Variants in ZMIZ1 observed in about 807,000 individuals in gnomAD.
ZMIZ1 encodes the protein zinc finger MIZ-type containing 1.
In ZMIZ1, 17 loss-of-function variants were observed where a neutral mutation model predicts 113.9. The observed-to-expected ratio is 0.15, with a 90% CI of 0.10 to 0.22. ZMIZ1 has a LOEUF of 0.22. ZMIZ1 is among the 10% of genes least tolerant of loss of function. The pLI is 1.00. For synonymous variants in ZMIZ1, 607 were observed against 603.1 expected (o/e 1.01, Z -0.09); for missense variants, 1,059 against 1,477.8 (o/e 0.72, Z 4.65).
chr10:79,147,935 C>G (rs1287788373), intron 3 of ZMIZ1, among the ~76,000 whole-genome samples: 2 of 152,218 alleles, frequency 1.3e-5, no homozygotes, highest in African/African-American at 4.8e-5. Flanking sequence ...GGGAGCAGAG[C>G]ACCAGGGGAA....
intron 8 of ZMIZ1, among the ~76,000 whole-genome samples, chr10:79,286,603 G>T (rs1440698673): frequency 6.6e-6 from 1 of 152,254 alleles, no homozygotes; most frequent in African/African-American, 2.4e-5. Flanking sequence ...ATATGCCTGC[G>T]TGCATCTTTG....
chr10:79,301,420 T>C (rs561498638), intron 17 of ZMIZ1, among the ~76,000 whole-genome samples: 1 of 151,402 alleles, frequency 6.6e-6, no homozygotes, highest in Non-Finnish European at 1.5e-5. Context: ...CGTATGGGGG[T>C]CCTTCCAACC....
intron 4 of ZMIZ1, among the ~76,000 whole-genome samples, chr10:79,183,417 G>A (rs978767261): frequency 1.3e-5 from 2 of 152,006 alleles, no homozygotes; most frequent in African/African-American, 2.4e-5. Flanking sequence ...CACAGTCCAG[G>A]TCCTGCTTGA....
chr10:79,246,353 G>C (rs1850196926), intron 7 of ZMIZ1, among the ~76,000 whole-genome samples: 1 of 152,242 alleles, frequency 6.6e-6, no homozygotes, highest in African/African-American at 2.4e-5. Flanking sequence ...GGGAGCGCCA[G>C]CTCAGCCTCG....
In ZMIZ1 at chr10:79,268,630, A is replaced by T. The variant is rs578104762; in HGVS notation, c.281-8551A>T. ...TGTAGAAGTGAAGCCCCCAAATCCG[A>T]TCGTGGCCCCAGGGGCTCATGCTGT... On this transcript the variant is annotated intron_variant, in intron 7 of 24. Transcript: ENST00000334512. 2.6e-5 allele frequency among the ~76,000 whole-genome samples: 4 copies of T among 152,298 alleles called. No individual in the cohort carries two copies. In the East Asian group the frequency reaches 7.7e-4, roughly 29 times the overall value.
At chr10:79,094,736 C>T (rs1039742266) in intron 1 of ZMIZ1, among the ~76,000 whole-genome samples, 3 of 152,188 alleles carry the variant, frequency 2.0e-5, no homozygotes, top group African/African-American at 7.2e-5. Context: ...ATCGCTTGAG[C>T]TCAGGAGTTC....
chr10:79,313,652 C>T lies in ZMIZ1; in HGVS notation c.*903C>T. 1 of 250,790 alleles carries T rather than the reference C, an allele frequency of 4.0e-6. No homozygotes were observed. Among genetic ancestry groups the T allele is most frequent in the East Asian group, 1.1e-4 (1 of 9,088 alleles). The allele number at this position is 250,790 out of a possible 1,614,324, so 15.5% of individuals were successfully genotyped here. ...AGGAGCGGCAACTTCTAACTTTGCT[C>T]CAAGCCACTCTCTTTTTAAACAGCA... On this transcript the variant is annotated 3_prime_UTR_variant, in exon 25 of 25. Transcript: ENST00000334512.
chr10:79,221,825 C>T (rs1325219036), intron 7 of ZMIZ1, among the ~76,000 whole-genome samples: 2 of 152,246 alleles, frequency 1.3e-5, no homozygotes, highest in Non-Finnish European at 2.9e-5. Flanking sequence ...GGACCCACCC[C>T]AAGTCCTAGC....
intron 4 of ZMIZ1, among the ~76,000 whole-genome samples, chr10:79,171,286 C>T (rs1273450331): frequency 2.0e-5 from 3 of 152,158 alleles, no homozygotes; most frequent in Non-Finnish European, 4.4e-5. Flanking sequence ...TCTTCACTGC[C>T]GGGCCTTCAC....
chr10:79,280,754 G>GAGGGA (rs1852682347), intron 8 of ZMIZ1, among the ~76,000 whole-genome samples: 1 of 42,792 alleles, frequency 2.3e-5, no homozygotes, highest in Non-Finnish European at 5.2e-5. Context: ...TCCCACATTT[G>GAGGGA]AGTCTCACCT....
At chr10:79,141,058 C>G (rs552748482) in intron 3 of ZMIZ1, among the ~76,000 whole-genome samples, 2 of 152,092 alleles carry the variant, frequency 1.3e-5, no homozygotes, top group Non-Finnish European at 2.9e-5. Context: ...CAATGGAGTA[C>G]GACTCAGATC....
chr10:79,298,389 CT>C lies in ZMIZ1; in HGVS notation c.1492-13del. 6.2e-7 allele frequency: 1 copy of C among 1,605,770 alleles called. No homozygotes were observed. On this transcript the variant is annotated splice_polypyrimidine_tract_variant and intron_variant, in intron 14 of 24. Coordinates refer to ENST00000334512, the MANE Select transcript of ZMIZ1 (RefSeq NM_020338.4). ...CCGTAATCCCATAACTCGTGCGTGT[CT>C]TTTCTTTCCCTCCAGCCTCCCAGGC...
chr10:79,074,553 G>A (rs567330736), intron 1 of ZMIZ1, among the ~76,000 whole-genome samples: 9 of 152,290 alleles, frequency 5.9e-5, no homozygotes, highest in Admixed American at 2.0e-4. Context: ...GCCCTTCTCC[G>A]GCTCTGGAGT....
At chr10:79,244,880 CT>C (rs1850097126) in intron 7 of ZMIZ1, among the ~76,000 whole-genome samples, 2 of 152,202 alleles carry the variant, frequency 1.3e-5, no homozygotes, top group Non-Finnish European at 2.9e-5. Context: ...GGCTCTGGGC[CT>C]GAAGCTTATC....
chr10:79,139,463 A>G (rs1845167224), intron 2 of ZMIZ1, among the ~76,000 whole-genome samples: 1 of 152,178 alleles, frequency 6.6e-6, no homozygotes, highest in Non-Finnish European at 1.5e-5. Flanking sequence ...ATATTTATAT[A>G]TTTTTCAAAA....
intron 1 of ZMIZ1, among the ~76,000 whole-genome samples, chr10:79,091,762 A>T (rs920446113): frequency 6.6e-6 from 1 of 152,128 alleles, no homozygotes; most frequent in Non-Finnish European, 1.5e-5. Context: ...ACTTTAGGGG[A>T]AGAACAGAGG....
At chr10:79,111,039 C>G (rs575566133) in intron 1 of ZMIZ1, among the ~76,000 whole-genome samples, 11 of 152,244 alleles carry the variant, frequency 7.2e-5, no homozygotes, top group African/African-American at 2.7e-4. Flanking sequence ...TACTTGCTCC[C>G]CTTGCCCAGC....
intron 7 of ZMIZ1, among the ~76,000 whole-genome samples, chr10:79,223,886 A>ACCG: frequency 6.6e-6 from 1 of 152,120 alleles, no homozygotes; most frequent in Non-Finnish European, 1.5e-5. Context: ...GTGCTCTTGG[A>ACCG]GAAAAGGGAT....
Position 79,316,435 on chromosome 10 carries a change from C to G in ZMIZ1, c.*3686C>G, listed in dbSNP as rs1470277298. On this transcript the variant is annotated 3_prime_UTR_variant, in exon 25 of 25. Transcript: ENST00000334512. ...TAAAGATCAAATTATTTGACTATTG[C>G]TAGACATTTCTATACTCTGTTGTAA... The G allele has an allele frequency of 6.5e-6, 1 of 152,732 alleles. No individual in the cohort carries two copies. Among genetic ancestry groups the G allele is most frequent in the Admixed American group, 6.5e-5 (1 of 15,286 alleles). The allele number at this position is 152,732 out of a possible 1,614,324, so 9.5% of individuals were successfully genotyped here. A position where few individuals can be genotyped will look rare whatever the true frequency, so the allele number is the denominator to read the frequency against.
Sources: allele counts gnomAD v4.1 joint callset (sites outside exome capture counted in the v4.1 genomes callset), GRCh38; gene constraint gnomAD v4.1.1; transcripts MANE v1.5; gene names NCBI Gene and HGNC (gene_info 2026-07-23, HGNC 2026-07-21).